Variants in PDGFD observed in about 807,000 individuals in gnomAD.
PDGFD encodes platelet-derived growth factor D.
PDGFD carries 30 observed loss-of-function variants against 44.7 expected under a neutral mutation model. The ratio of observed to expected loss-of-function variants is 0.67; its 90% CI spans 0.50 to 0.91. The LOEUF (loss-of-function observed/expected upper bound fraction) is 0.91. Among genes scored for constraint, PDGFD ranks in the 40% least tolerant of loss-of-function variants. PDGFD has a pLI of 0.00. For missense variants in PDGFD, 445 were observed against 457.8 expected (o/e 0.97, Z 0.25); for synonymous variants, 173 against 168.4 (o/e 1.03, Z -0.21).
chr11:104,131,993 A>T (rs1299593053), intron 1 of PDGFD, among the ~76,000 whole-genome samples: 2 of 147,816 alleles, frequency 1.4e-5, no homozygotes, highest in African/African-American at 5.1e-5. Context: ...AAAACAAAAC[A>T]AAACAAAAAA....
intron 1 of PDGFD, among the ~76,000 whole-genome samples, chr11:104,005,802 C>T (rs1190762745): frequency 1.3e-5 from 2 of 152,176 alleles, no homozygotes; most frequent in Non-Finnish European, 2.9e-5. Context: ...TCAGAGCACA[C>T]ATGCTTAACC....
Position 103,947,693 on chromosome 11 carries a change from G to GT in PDGFD, c.541dup (p.Thr181AsnfsTer16). The GT allele has an allele frequency of 1.2e-6, 2 of 1,613,594 alleles. No homozygotes were observed. The highest frequency in any genetic ancestry group is 1.7e-6 in the Non-Finnish European group (2 of 1,179,620). On this transcript the variant is annotated frameshift_variant, in exon 4 of 7. Transcript: ENST00000393158. LOFTEE classifies it high-confidence loss of function. The stretch of plus-strand genomic sequence containing the variant: ...AGAGCTTGTGACAGATTCCCAGTTG[G>GT]TCTCTGAAGCTGCTGCGGGTTGGAA...
chr11:103,999,552 G>A (rs1483881876), intron 2 of PDGFD, among the ~76,000 whole-genome samples: 1 of 152,144 alleles, frequency 6.6e-6, no homozygotes. Flanking sequence ...CCGTATCTGA[G>A]GCCTTAACAC....
At chr11:104,092,101 T>C (rs554279058) in intron 1 of PDGFD, among the ~76,000 whole-genome samples, 1 of 152,316 alleles carries the variant, frequency 6.6e-6, no homozygotes, top group Admixed American at 6.5e-5. Flanking sequence ...CCCTAAGCCA[T>C]GGCTCAGAGA....
intron 3 of PDGFD, among the ~76,000 whole-genome samples, chr11:103,970,092 T>C (rs1387601414): frequency 3.3e-5 from 5 of 152,224 alleles, no homozygotes; most frequent in East Asian, 1.9e-4. Context: ...ACTTGTGCAA[T>C]GTACAAGTAT....
At chr11:104,090,353 CT>C (rs1861194764) in intron 1 of PDGFD, among the ~76,000 whole-genome samples, 1 of 150,234 alleles carries the variant, frequency 6.7e-6, no homozygotes, top group Non-Finnish European at 1.5e-5. Context: ...GGCACAGTGG[CT>C]CATGCCTATG....
At chr11:104,032,644 AT>A (rs985119769) in intron 1 of PDGFD, among the ~76,000 whole-genome samples, 13 of 148,420 alleles carry the variant, frequency 8.8e-5, no homozygotes, top group Non-Finnish European at 1.2e-4. Flanking sequence ...AGTTATGTGG[AT>A]TTTTTTCTTT....
chr11:104,121,704 C>T lies in PDGFD; in HGVS notation c.124+42100G>A, dbSNP rs568764106. ...ATTTCTGTACTTAATTCATTAAGGACCAGTTAGTTTACGGTGCATCACTGG... is the reference window on the plus strand; with the variant it reads ...ATTTCTGTACTTAATTCATTAAGGATCAGTTAGTTTACGGTGCATCACTGG... On this transcript the variant is annotated intron_variant, in intron 1 of 6. Transcript: ENST00000393158. Among the ~76,000 whole-genome samples, 159 of 152,068 alleles carry T rather than the reference C, an allele frequency of 1.0e-3. 1 individual carries two copies. The highest frequency in any genetic ancestry group is 3.7e-3 in the African/African-American group (155 of 41,508).
intron 1 of PDGFD, among the ~76,000 whole-genome samples, chr11:104,051,321 A>C (rs1284999600): frequency 6.6e-6 from 1 of 152,216 alleles, no homozygotes; most frequent in Non-Finnish European, 1.5e-5. Context: ...AAATTAGTTG[A>C]CAAGGACAGG....
intron 1 of PDGFD, among the ~76,000 whole-genome samples, chr11:104,050,159 T>G (rs1393784983): frequency 6.6e-6 from 1 of 152,054 alleles, no homozygotes; most frequent in African/African-American, 2.4e-5. Flanking sequence ...GCACAGTTCT[T>G]GTCTATGAGG....
chr11:104,039,105 G>A lies in PDGFD; in HGVS notation c.125-38850C>T, dbSNP rs985549665. On this transcript the variant is annotated intron_variant, in intron 1 of 6. Transcript: ENST00000393158. ...CATGGCTAAAGCACCTGAGAGAAAAGTTTCAGCTTCCTGAGGCCATCAGAT... is the reference window on the plus strand; with the variant it reads ...CATGGCTAAAGCACCTGAGAGAAAAATTTCAGCTTCCTGAGGCCATCAGAT... The A allele has an allele frequency of 4.4e-4, 73 of 167,006 alleles. 1 individual carries two copies. The highest frequency in any genetic ancestry group is 7.2e-4 in the Non-Finnish European group (49 of 68,108). The allele number at this position is 167,006 out of a possible 1,614,324, so 10.3% of individuals were successfully genotyped here.
intron 2 of PDGFD, among the ~76,000 whole-genome samples, 189 bp from the exon 3 acceptor site, chr11:103,996,434 A>T (rs2134363564): frequency 6.6e-6 from 1 of 152,348 alleles, no homozygotes; most frequent in East Asian, 1.9e-4. Flanking sequence ...AAGCTTCAGT[A>T]ATCTATTCTG....
intron 1 of PDGFD, among the ~76,000 whole-genome samples, chr11:104,159,399 A>G (rs1397421208): frequency 6.6e-6 from 1 of 152,170 alleles, no homozygotes; most frequent in African/African-American, 2.4e-5. Flanking sequence ...AGATTTTCCT[A>G]TTTTAATAAA....
Position 104,051,952 on chromosome 11 carries a change from T to C in PDGFD, c.125-51697A>G, listed in dbSNP as rs567040567. ...CAACGTTTTGCAACCACTATTTCCA[T>C]CTAGTTCCAAAACATTTTCATCACT... is the stretch of plus-strand genomic sequence containing the variant. On this transcript the variant is annotated intron_variant, in intron 1 of 6. Coordinates refer to ENST00000393158, the MANE Select transcript of PDGFD (RefSeq NM_025208.5). 7.9e-5 allele frequency among the ~76,000 whole-genome samples: 12 copies of C among 152,296 alleles called. No individual in the cohort carries two copies. The East Asian group carries it at 2.1e-3, about 27-fold the overall frequency.
chr11:104,081,184 G>A (rs879583399), intron 1 of PDGFD, among the ~76,000 whole-genome samples: 18 of 152,000 alleles, frequency 1.2e-4, no homozygotes, highest in East Asian at 5.8e-4. Flanking sequence ...AGCTACTAAC[G>A]TTTAGGGTAT....
chr11:103,993,383 T>A (rs1009950155), intron 3 of PDGFD, among the ~76,000 whole-genome samples: 2 of 151,646 alleles, frequency 1.3e-5, no homozygotes, highest in Admixed American at 6.6e-5. Context: ...GGCCACGAAC[T>A]AATCTTAAGG....
intron 1 of PDGFD, among the ~76,000 whole-genome samples, chr11:104,008,518 T>C (rs1402396028): frequency 1.3e-5 from 2 of 152,152 alleles, no homozygotes; most frequent in Non-Finnish European, 2.9e-5. Context: ...GGCACATAAT[T>C]ATCCACTTAG....
chr11:103,936,969 G>A (rs1228800686), intron 5 of PDGFD, among the ~76,000 whole-genome samples: 1 of 151,814 alleles, frequency 6.6e-6, no homozygotes, highest in Non-Finnish European at 1.5e-5. Flanking sequence ...TGGAACTACA[G>A]GTATATGCTT....
At chr11:103,940,359 C>T (rs370618345) in intron 5 of PDGFD, among the ~76,000 whole-genome samples, 5 of 152,000 alleles carry the variant, frequency 3.3e-5, no homozygotes, top group Admixed American at 1.3e-4. Context: ...ATGAAAAATA[C>T]CACTTTCCAT....
Sources: allele counts gnomAD v4.1 joint callset (sites outside exome capture counted in the v4.1 genomes callset), GRCh38; gene constraint gnomAD v4.1.1; transcripts MANE v1.5; gene names NCBI Gene and HGNC (gene_info 2026-07-23, HGNC 2026-07-21).